Variants in PARD3B observed in about 807,000 individuals in gnomAD.
The protein encoded by PARD3B is partitioning defective 3 homolog B.
Under a neutral mutation model 130.2 loss-of-function variants are expected in PARD3B, and 103 were observed. The ratio of observed to expected loss-of-function variants is 0.79; its 90% CI spans 0.67 to 0.93. The LOEUF is 0.93. Among genes scored for constraint, PARD3B ranks in the 40% least tolerant of loss-of-function variants. PARD3B has a pLI of 0.00. For missense variants in PARD3B, 1,609 were observed against 1,499.2 expected, an observed-to-expected ratio of 1.07 and a Z score of -1.21; for synonymous variants, 583 against 553.2, an observed-to-expected ratio of 1.05 and a Z score of -0.76.
chr2:205,208,763 A>G (rs1342116413), intron 15 of PARD3B, among the ~76,000 whole-genome samples: 3 of 145,592 alleles, frequency 2.1e-5, no homozygotes, highest in East Asian at 2.0e-4. Context: ...ATGGGTAGGA[A>G]CAATCAATAT....
In PARD3B at chr2:205,302,000, C is replaced by T. The variant is rs1386423899; in HGVS notation, c.2630+299C>T. Reference sequence around the variant, plus strand: ...TGGGAGGCTGGGAGGATTGCTTGAGCCCAAGAGTTCAAGACCAGCCTGGGC... The same window carrying T: ...TGGGAGGCTGGGAGGATTGCTTGAGTCCAAGAGTTCAAGACCAGCCTGGGC... On this transcript the variant is annotated intron_variant, in intron 18 of 22. Transcript: ENST00000406610. This position sits in a 1 kb window ranked among gnomAD's most constrained non-coding sequence, Gnocchi z 5.2. 4.4e-5 allele frequency: 29 copies of T among 664,018 alleles called. No individual in the cohort carries two copies. Among genetic ancestry groups the T allele is most frequent in the Admixed American group, 1.5e-4 (7 of 46,448 alleles). 41.1% of individuals were successfully genotyped at this position (664,018 alleles called of 1,614,324 possible). A position where few individuals can be genotyped will look rare whatever the true frequency, so the allele number is the denominator to read the frequency against.
At chr2:205,184,087 C>T (rs1299699205) in intron 13 of PARD3B, among the ~76,000 whole-genome samples, 2 of 152,110 alleles carry the variant, frequency 1.3e-5, no homozygotes, top group African/African-American at 4.8e-5. Context: ...TTCATGCCTT[C>T]ACGTGATTAG....
In PARD3B at chr2:205,563,641, C is replaced by T. The variant is rs536181410; in HGVS notation, c.3260+10238C>T. On this transcript the variant is annotated intron_variant, in intron 22 of 22. Transcript: ENST00000406610. The surrounding 1 kb of genome is among the most constrained non-coding windows in gnomAD (Gnocchi z 4.2). ...CAGAGAAAATAGAAAATGTCAAAAC[C>T]TACGGGTTGTAAAAAAAAAAAGTAA... Among the ~76,000 whole-genome samples, 68 of 123,228 alleles carry T rather than the reference C, an allele frequency of 5.5e-4. No homozygotes were observed. The highest frequency in any genetic ancestry group is 1.6e-3 in the African/African-American group (58 of 35,158). The allele number at this position is 123,228 out of a possible 152,430, so 80.8% of individuals were successfully genotyped here.
Position 204,572,736 on chromosome 2 carries a change from G to A in PARD3B, c.120+26617G>A, listed in dbSNP as rs1462391734. Among the ~76,000 whole-genome samples, 6 of 152,260 alleles carry A rather than the reference G, an allele frequency of 3.9e-5. No homozygotes were observed. In the East Asian group the frequency reaches 1.2e-3, roughly 29 times the overall value. Reference sequence around the variant, plus strand: ...GTGTAAATTTTGTAAATAAAAATCAGAAAGCTAACTATTCATTTATGTAGC... The same window carrying A: ...GTGTAAATTTTGTAAATAAAAATCAAAAAGCTAACTATTCATTTATGTAGC... On this transcript the variant is annotated intron_variant, in intron 1 of 22. Coordinates refer to ENST00000406610, the MANE Select transcript of PARD3B (RefSeq NM_001302769.2).
Position 205,219,675 on chromosome 2 carries a change from T to A in PARD3B, c.2141-26103T>A, listed in dbSNP as rs549904079. ...GCAAGAATAAAATGGGTTGGCACCT[T>A]ATGGTAAAGTCATAAGCTCTTGAGG... On this transcript the variant is annotated intron_variant, in intron 15 of 22. Transcript: ENST00000406610. Among the ~76,000 whole-genome samples the A allele has an allele frequency of 3.5e-3, 539 of 152,266 alleles. 4 individuals are homozygous for A. Among genetic ancestry groups the A allele is most frequent in the Non-Finnish European group, 1.9e-3 (128 of 68,018 alleles).
chr2:204,604,791 T>A (rs987250513), intron 1 of PARD3B, among the ~76,000 whole-genome samples: 1 of 152,184 alleles, frequency 6.6e-6, no homozygotes, highest in Admixed American at 6.6e-5. Flanking sequence ...TATCTTAAAA[T>A]GTATTGCCTT....
At chr2:205,344,194 T>TTGTGTGTGTGTGTG (rs1553681141) in intron 18 of PARD3B, among the ~76,000 whole-genome samples, 11 of 141,034 alleles carry the variant, frequency 7.8e-5, no homozygotes, top group Middle Eastern at 3.5e-3. Context: ...GTCAGTTGGT[T>TTGTGTGTGTGTGTG]TGTGTGTGTG....
intron 2 of PARD3B, among the ~76,000 whole-genome samples, chr2:204,775,100 A>G (rs1050639421): frequency 6.6e-6 from 1 of 152,144 alleles, no homozygotes; most frequent in African/African-American, 2.4e-5. Context: ...AGGTTCTCAA[A>G]TCTTCCTGAT....
intron 11 of PARD3B, among the ~76,000 whole-genome samples, chr2:205,169,283 T>C (rs965409693): frequency 1.3e-5 from 2 of 152,214 alleles, no homozygotes; most frequent in African/African-American, 4.8e-5. Context: ...TGAATGTGAA[T>C]GTCTTTGAAA....
intron 1 of PARD3B, among the ~76,000 whole-genome samples, chr2:204,637,485 G>T (rs530558785): frequency 6.6e-6 from 1 of 152,170 alleles, no homozygotes; most frequent in South Asian, 2.1e-4. Flanking sequence ...TGTATAACAT[G>T]TTTAGCTGTT....
chr2:204,850,637 T>G (rs2044669436), intron 2 of PARD3B, among the ~76,000 whole-genome samples: 1 of 152,052 alleles, frequency 6.6e-6, no homozygotes, highest in Non-Finnish European at 1.5e-5. Context: ...TCGCTTCGTG[T>G]TAGTGGGCAG....
intron 21 of PARD3B, among the ~76,000 whole-genome samples, chr2:205,543,434 A>G (rs1283041875): frequency 6.6e-6 from 1 of 152,244 alleles, no homozygotes; most frequent in Non-Finnish European, 1.5e-5. Context: ...ATACTTGCAG[A>G]CAGTCACAGA....
intron 2 of PARD3B, among the ~76,000 whole-genome samples, chr2:204,716,713 C>T (rs1000699592): frequency 2.0e-5 from 3 of 151,062 alleles, no homozygotes; most frequent in Non-Finnish European, 2.9e-5. Context: ...AGTTCCGCCT[C>T]CTGGGTTCAC....
chr2:205,505,260 G>C (rs929045836), intron 21 of PARD3B, among the ~76,000 whole-genome samples: 1 of 151,988 alleles, frequency 6.6e-6, no homozygotes, highest in African/African-American at 2.4e-5. Context: ...GGAGTGGGGA[G>C]GGATAGCATT....
At chr2:205,211,441 C>T (rs1002229438) in intron 15 of PARD3B, among the ~76,000 whole-genome samples, 3 of 152,036 alleles carry the variant, frequency 2.0e-5, no homozygotes, top group African/African-American at 2.4e-5. Flanking sequence ...ATATCAGTGA[C>T]AACAGACAGT....
At chr2:204,649,003 T>C (rs1167947606) in intron 1 of PARD3B, among the ~76,000 whole-genome samples, 1 of 59,126 alleles carries the variant, frequency 1.7e-5, no homozygotes, top group Non-Finnish European at 2.6e-5. Flanking sequence ...TATATATTTA[T>C]AATAGATATC....
intron 18 of PARD3B, among the ~76,000 whole-genome samples, chr2:205,392,425 G>C (rs995921826): frequency 6.6e-6 from 1 of 152,164 alleles, no homozygotes; most frequent in Non-Finnish European, 1.5e-5. Flanking sequence ...TGGCCTTAAA[G>C]AGGGTAGCAG....
At chr2:204,845,674 A>C (rs1041941248) in intron 2 of PARD3B, among the ~76,000 whole-genome samples, 16 of 152,176 alleles carry the variant, frequency 1.1e-4, no homozygotes, top group African/African-American at 3.9e-4. Flanking sequence ...CTTACATAGG[A>C]GACCCCAACC....
At chr2:204,956,221 G>T (rs964777406) in intron 2 of PARD3B, among the ~76,000 whole-genome samples, 2 of 152,214 alleles carry the variant, frequency 1.3e-5, no homozygotes, top group African/African-American at 4.8e-5. Context: ...GCAGCATTAT[G>T]CTTTGGCTGA....
Sources: allele counts gnomAD v4.1 joint callset (sites outside exome capture counted in the v4.1 genomes callset), GRCh38; gene constraint gnomAD v4.1.1; non-coding constraint Gnocchi (gnomAD v3.1); transcripts MANE v1.5; gene names NCBI Gene and HGNC (gene_info 2026-07-23, HGNC 2026-07-21).